The following LHFPL3 variants were observed in gnomAD, a reference collection of about 807,000 sequenced individuals.
The protein encoded by LHFPL3 is LHFPL tetraspan subfamily member 3, also known as LHFPL tetraspan subfamily member 3 protein.
LHFPL3 carries 5 observed loss-of-function variants against 19.3 expected under a neutral mutation model. The ratio of observed to expected loss-of-function variants is 0.26; its 90% CI spans 0.14 to 0.54. The LOEUF (loss-of-function observed/expected upper bound fraction) is 0.54. Ranked by LOEUF, LHFPL3 falls within the 20% of genes least tolerant of loss-of-function variation. The pLI, the probability that LHFPL3 is intolerant of heterozygous loss-of-function variation, is 0.94. For missense variants in LHFPL3, 249 were observed against 307.4 expected (o/e 0.81, Z 1.42); for synonymous variants, 133 against 126.2 (o/e 1.05, Z -0.36).
intron 1 of LHFPL3, among the ~76,000 whole-genome samples, chr7:104,705,197 G>A (rs960886080): frequency 1.3e-5 from 2 of 152,014 alleles, no homozygotes; most frequent in African/African-American, 4.8e-5. Context: ...GGTAACAATT[G>A]TTTAATATAA....
At chr7:104,534,141 T>C (rs1483888391) in intron 1 of LHFPL3, among the ~76,000 whole-genome samples, 2 of 152,210 alleles carry the variant, frequency 1.3e-5, no homozygotes. Context: ...TCCTATTTTG[T>C]TCCTCACCTG....
At chr7:104,825,751 T>C (rs1240031246) in intron 2 of LHFPL3, among the ~76,000 whole-genome samples, 2 of 151,884 alleles carry the variant, frequency 1.3e-5, no homozygotes, top group Non-Finnish European at 2.9e-5. Context: ...CAAGATAACC[T>C]TGTAATCATA....
At position 104,528,715 on chromosome 7, in the gene LHFPL3, T is replaced by C. The variant is rs1319466967; in HGVS notation, c.445+199491T>C. ...GAGAATACCAAGCTTTTTTCAAGAC[T>C]ATGGAAGTCAGTTAAGACTTCCATA... On this transcript the variant is annotated intron_variant, in intron 1 of 2. Coordinates refer to ENST00000424859, the MANE Select transcript of LHFPL3 (RefSeq NM_199000.3). Among the ~76,000 whole-genome samples, 5 of 152,322 alleles carry C rather than the reference T, an allele frequency of 3.3e-5. 1 individual carries two copies. Among genetic ancestry groups the C allele is most frequent in the African/African-American group, 1.2e-4 (5 of 41,582 alleles).
chr7:104,899,518 G>A lies in LHFPL3; in HGVS notation c.683-6669G>A, dbSNP rs141063956. 6.6e-5 allele frequency among the ~76,000 whole-genome samples: 10 copies of A among 152,284 alleles called. No homozygotes were observed. The East Asian group carries it at 1.3e-3, about 21-fold the overall frequency. On this transcript the variant is annotated intron_variant, in intron 2 of 2. Transcript: ENST00000424859. ...GGAAGTAAGGACAGAATCAAGAAAC[G>A]GGAAAATGATACGAAGCTGGTAGTC... is the stretch of plus-strand genomic sequence containing the variant.
At position 104,817,884 on chromosome 7, in the gene LHFPL3, C is replaced by T. The variant is rs80084084; in HGVS notation, c.682+80973C>T. On this transcript the variant is annotated intron_variant, in intron 2 of 2. Transcript: ENST00000424859. The stretch of plus-strand genomic sequence containing the variant: ...TCTTTAGGCAAACACTATTCCGATA[C>T]CTAGCACCAGGACTTCTGTTGGCTA... Among the ~76,000 whole-genome samples the T allele has an allele frequency of 6.3e-3, 957 of 152,268 alleles. 15 individuals carry two copies. The highest frequency in any genetic ancestry group is 0.021 in the African/African-American group (886 of 41,560).
intron 1 of LHFPL3, among the ~76,000 whole-genome samples, chr7:104,713,444 G>A (rs1457737631): frequency 1.3e-5 from 2 of 152,156 alleles, no homozygotes; most frequent in Admixed American, 6.5e-5. Flanking sequence ...AGCGGAAAAA[G>A]GCATGTCTTA....
At chr7:104,807,795 G>A (rs973115461) in intron 2 of LHFPL3, among the ~76,000 whole-genome samples, 14 of 152,166 alleles carry the variant, frequency 9.2e-5, no homozygotes, top group African/African-American at 3.4e-4. Context: ...TTCTATCTTT[G>A]TACTCCCTCC....
At chr7:104,615,348 C>T (rs141382463) in intron 1 of LHFPL3, among the ~76,000 whole-genome samples, 7 of 152,288 alleles carry the variant, frequency 4.6e-5, no homozygotes, top group African/African-American at 1.7e-4. Context: ...CATTAACAAT[C>T]GCTCCATTGA....
At chr7:104,833,025 G>GATACATTATAT (rs1790992984) in intron 2 of LHFPL3, among the ~76,000 whole-genome samples, 3 of 17,334 alleles carry the variant, frequency 1.7e-4, no homozygotes, top group South Asian at 1.9e-3. Flanking sequence ...ATATATAATA[G>GATACATTATAT]ATATATTATA....
intron 1 of LHFPL3, among the ~76,000 whole-genome samples, chr7:104,591,720 G>A (rs1244403964): frequency 6.6e-6 from 1 of 152,140 alleles, no homozygotes; most frequent in Non-Finnish European, 1.5e-5. Context: ...TTTCCAAGTT[G>A]GTTCCATTCT....
intron 1 of LHFPL3, among the ~76,000 whole-genome samples, chr7:104,354,295 A>T (rs1220181315): frequency 6.6e-6 from 1 of 152,232 alleles, no homozygotes; most frequent in East Asian, 1.9e-4. Flanking sequence ...TGCCCTGGCA[A>T]CAGATGCCCA....
At chr7:104,362,985 T>C (rs28363751) in intron 1 of LHFPL3, among the ~76,000 whole-genome samples, 70 of 152,248 alleles carry the variant, frequency 4.6e-4, no homozygotes, top group African/African-American at 1.6e-3. Context: ...GGTTTTACAA[T>C]GCTAATGTTC....
intron 1 of LHFPL3, among the ~76,000 whole-genome samples, chr7:104,344,484 A>C (rs927218942): frequency 3.9e-5 from 6 of 152,264 alleles, no homozygotes; most frequent in Non-Finnish European, 7.4e-5. Context: ...CCTATACCTT[A>C]GCTCCCACTT....
chr7:104,362,029 G>C (rs1790397655), intron 1 of LHFPL3, among the ~76,000 whole-genome samples: 1 of 152,216 alleles, frequency 6.6e-6, no homozygotes, highest in South Asian at 2.1e-4. Flanking sequence ...GTGTGATGCA[G>C]AAATGCTCCT....
At chr7:104,482,000 T>C (rs748106620) in intron 1 of LHFPL3, among the ~76,000 whole-genome samples, 5 of 152,218 alleles carry the variant, frequency 3.3e-5, no homozygotes, top group Non-Finnish European at 7.3e-5. Context: ...CTCTCAGTTA[T>C]ACTTTTCCCT....
chr7:104,522,639 A>T (rs1794093743), intron 1 of LHFPL3, among the ~76,000 whole-genome samples: 1 of 152,148 alleles, frequency 6.6e-6, no homozygotes, highest in African/African-American at 2.4e-5. Context: ...GAAACCTAAA[A>T]TCCAGCTGAA....
chr7:104,690,813 G>T (rs1394508123), intron 1 of LHFPL3, among the ~76,000 whole-genome samples: 1 of 152,230 alleles, frequency 6.6e-6, no homozygotes, highest in Admixed American at 6.5e-5. Context: ...CCAAAAGGCT[G>T]CCAGTTTTGG....
At chr7:104,679,620 T>C (rs1792657091) in intron 1 of LHFPL3, among the ~76,000 whole-genome samples, 1 of 152,224 alleles carries the variant, frequency 6.6e-6, no homozygotes, top group African/African-American at 2.4e-5. Context: ...GAATAGAACT[T>C]ACATTCTGAG....
At chr7:104,691,928 T>C (rs758210148) in intron 1 of LHFPL3, among the ~76,000 whole-genome samples, 5 of 152,320 alleles carry the variant, frequency 3.3e-5, no homozygotes, top group Admixed American at 6.5e-5. Context: ...ATGCTGATAG[T>C]GATACAGACA....
Sources: gnomAD v4.1 joint callset for allele counts (sites outside exome capture counted in the v4.1 genomes callset) on GRCh38, gnomAD v4.1.1 for gene constraint, MANE v1.5 for transcripts, NCBI Gene and HGNC (gene_info 2026-07-23, HGNC 2026-07-21) for gene names.